Variants in BACH2 observed in about 807,000 individuals in gnomAD.
BACH2 encodes the protein BACH transcriptional regulator 2.
In BACH2, 5 loss-of-function variants were observed where a neutral mutation model predicts 61.8. The ratio of observed to expected loss-of-function variants is 0.08; its 90% CI spans 0.04 to 0.17. The LOEUF (loss-of-function observed/expected upper bound fraction) is 0.17, where lower values mean the gene tolerates loss of function less well. Ranked by LOEUF, BACH2 falls within the 10% of genes least tolerant of loss-of-function variation. The probability of loss-of-function intolerance (pLI) is 1.00; values close to 1 mark genes in which losing one functional copy is unlikely to be tolerated. For missense variants in BACH2, 824 were observed against 1,091.1 expected (o/e 0.76, Z 3.45); for synonymous variants, 446 against 440.1 (o/e 1.01, Z -0.17).
rs1769442878 is a variant in BACH2, at chr6:90,213,987, T to C, written c.-274-7306A>G. Among the ~76,000 whole-genome samples, 3 of 152,322 alleles carry C rather than the reference T, an allele frequency of 2.0e-5. No individual in the cohort carries two copies. The South Asian group carries it at 6.2e-4, about 32-fold the overall frequency. ...TACTGAAGTTTTTTCTTAAGAAGCA[T>C]GGCACACTTTTAGGTCAGCAAGGCA... On this transcript the variant is annotated intron_variant, in intron 3 of 8. Coordinates refer to ENST00000257749, the MANE Select transcript of BACH2 (RefSeq NM_021813.4).
chr6:90,065,128 G>GA (rs540647624), intron 5 of BACH2, among the ~76,000 whole-genome samples: 137 of 135,008 alleles, frequency 1.0e-3, no homozygotes, highest in Admixed American at 3.4e-3. Flanking sequence ...GAAACTTGGA[G>GA]AAAAAAAAAA....
intron 6 of BACH2, among the ~76,000 whole-genome samples, chr6:89,999,448 C>CT (rs59177752): frequency 0.14 from 19,271 of 141,602 alleles, 1,727 homozygotes; most frequent in African/African-American, 0.25. Context: ...TTTGTCACAC[C>CT]TTTTTTTTTT....
intron 2 of BACH2, among the ~76,000 whole-genome samples, chr6:90,264,103 G>C (rs1454127458): frequency 1.3e-5 from 2 of 152,148 alleles, no homozygotes; most frequent in Non-Finnish European, 2.9e-5. Context: ...AACCAAACAG[G>C]AGTTCTAATT....
intron 1 of BACH2, among the ~76,000 whole-genome samples, chr6:90,292,498 C>T (rs956799685): frequency 6.6e-6 from 1 of 152,214 alleles, no homozygotes; most frequent in Non-Finnish European, 1.5e-5. Context: ...AGGAATCACA[C>T]TGTACTCATG....
rs113710150 is a variant in BACH2 at position 90,181,752 on chromosome 6, T to C, written c.-162+24817A>G. 1.5e-3 allele frequency among the ~76,000 whole-genome samples: 235 copies of C among 152,170 alleles called. 2 individuals are homozygous for C. Among genetic ancestry groups the C allele is most frequent in the African/African-American group, 5.3e-3 (222 of 41,512 alleles). On this transcript the variant is annotated intron_variant, in intron 4 of 8. Coordinates refer to ENST00000257749, the MANE Select transcript of BACH2 (RefSeq NM_021813.4). ...GGCACCACCATGCCTGGCTACTGAT[T>C]GATGGATTCATTGATTGTAGACACA...
chr6:90,274,346 C>G (rs188415342), intron 1 of BACH2, among the ~76,000 whole-genome samples: 2 of 151,810 alleles, frequency 1.3e-5, no homozygotes, highest in Admixed American at 1.3e-4. Context: ...AAAAACAAAA[C>G]AAAACAAAAA....
intron 8 of BACH2, among the ~76,000 whole-genome samples, chr6:89,936,727 CAAT>C (rs1406722558): frequency 3.3e-5 from 5 of 152,212 alleles, no homozygotes; most frequent in Non-Finnish European, 5.9e-5. Context: ...ACAACAACAA[CAAT>C]AACAAAAAAC....
chr6:90,204,754 T>C (rs1165390172), intron 4 of BACH2, among the ~76,000 whole-genome samples: 2 of 152,132 alleles, frequency 1.3e-5, no homozygotes, highest in Non-Finnish European at 2.9e-5. Context: ...CCAAAAAAGG[T>C]TTGCAGCCAT....
intron 5 of BACH2, among the ~76,000 whole-genome samples, chr6:90,012,894 T>C (rs1310046769): frequency 1.3e-5 from 2 of 152,136 alleles, no homozygotes; most frequent in African/African-American, 4.8e-5. Context: ...CTCGAACTCT[T>C]GGTCTCTCCT....
intron 4 of BACH2, among the ~76,000 whole-genome samples, chr6:90,120,107 C>G: frequency 6.6e-6 from 1 of 152,074 alleles, no homozygotes; most frequent in East Asian, 1.9e-4. Flanking sequence ...CTGGGGACAT[C>G]AATGAACAAG....
intron 6 of BACH2, among the ~76,000 whole-genome samples, chr6:89,963,275 CTGTTT>C (rs1307686918): frequency 1.3e-5 from 2 of 152,042 alleles, no homozygotes; most frequent in Non-Finnish European, 2.9e-5. Flanking sequence ...TCCTTGTGCA[CTGTTT>C]TATTTTTTAT....
Position 89,931,294 on chromosome 6 carries a change from GCGTTTAAA to G in BACH2, c.*1106_*1113del. ...AGCATCAACTCTGAACTCTCTATCT[GCGTTTAAA>G]CTTTGCTTAGGGAAAGGTGGGGAGG... On this transcript the variant is annotated 3_prime_UTR_variant, in exon 9 of 9. Transcript: ENST00000257749. 6.6e-6 allele frequency: 1 copy of G among 152,410 alleles called. No homozygotes were observed. The highest frequency in any genetic ancestry group is 1.9e-4 in the East Asian group (1 of 5,338). 9.4% of individuals were successfully genotyped at this position (152,410 alleles called of 1,614,324 possible). A position where few individuals can be genotyped will look rare whatever the true frequency, so the allele number is the denominator to read the frequency against.
At position 89,933,026 on chromosome 6, in the gene BACH2, G is replaced by A. The variant is rs1772769873; in HGVS notation, c.2044-136C>T. On this transcript the variant is annotated intron_variant, in intron 8 of 8. Transcript: ENST00000257749. Reference sequence around the variant, plus strand: ...TCAAGAATGACTAGGTCAGGCTCTAGAAACTTAAAGATACATATTCAGGGG... The same window carrying A: ...TCAAGAATGACTAGGTCAGGCTCTAAAAACTTAAAGATACATATTCAGGGG... 7.1e-6 allele frequency: 7 copies of A among 991,064 alleles called. No homozygotes were observed. The Admixed American group carries it at 1.2e-4, about 17-fold the overall frequency. 61.4% of individuals were successfully genotyped at this position (991,064 alleles called of 1,614,324 possible).
chr6:90,228,375 C>T (rs1184686436), intron 3 of BACH2, among the ~76,000 whole-genome samples: 1 of 152,234 alleles, frequency 6.6e-6, no homozygotes, highest in Non-Finnish European at 1.5e-5. Flanking sequence ...TGGATTATTA[C>T]TATAATGCAT....
rs1316015791 is a variant in BACH2 at position 90,250,642 on chromosome 6, C to G, written c.-275+1871G>C. ...CTTGCATTCCTGTGTTACGTCCACACAGCTGTGTAACTGACTCTGAAGAAA... is the reference window on the plus strand; with the variant it reads ...CTTGCATTCCTGTGTTACGTCCACAGAGCTGTGTAACTGACTCTGAAGAAA... On this transcript the variant is annotated intron_variant, in intron 3 of 8. Transcript: ENST00000257749. 1.3e-5 allele frequency among the ~76,000 whole-genome samples: 2 copies of G among 152,166 alleles called. 1 individual carries two copies. Among genetic ancestry groups the G allele is most frequent in the Non-Finnish European group, 2.9e-5 (2 of 68,034 alleles).
chr6:90,078,035 C>T (rs908992117), intron 5 of BACH2, among the ~76,000 whole-genome samples: 4 of 152,098 alleles, frequency 2.6e-5, no homozygotes, highest in Non-Finnish European at 5.9e-5. Flanking sequence ...AAATAACTTG[C>T]AAAGCATAAA....
At chr6:90,285,814 A>G (rs1031334192) in intron 1 of BACH2, among the ~76,000 whole-genome samples, 8 of 152,232 alleles carry the variant, frequency 5.3e-5, no homozygotes, top group African/African-American at 1.2e-4. Flanking sequence ...CAACAGCTGC[A>G]TGAGTCAGCA....
At position 90,115,098 on chromosome 6, in the gene BACH2, G is replaced by A. The variant is rs534329587; in HGVS notation, c.-161-25989C>T. 5.5e-4 allele frequency among the ~76,000 whole-genome samples: 83 copies of A among 152,166 alleles called. 1 individual carries two copies. In the South Asian group the frequency reaches 0.016, roughly 29 times the overall value. On this transcript the variant is annotated intron_variant, in intron 4 of 8. Transcript: ENST00000257749. The stretch of plus-strand genomic sequence containing the variant: ...TATCATTAAAATGGCTATACTGCCC[G>A]AAGCAATTTACAGATTCAGTGCTAT...
chr6:90,014,458 ATATATATATATTTTTTTTTT>A, intron 5 of BACH2, among the ~76,000 whole-genome samples: 1 of 67,596 alleles, frequency 1.5e-5, no homozygotes, highest in African/African-American at 9.1e-5. Context: ...ATATATATAT[ATATATATATATTTTTTTTTT>A]TTTTTTTTTT....
Sources: gnomAD v4.1 joint callset for allele counts (sites outside exome capture counted in the v4.1 genomes callset) on GRCh38, gnomAD v4.1.1 for gene constraint, MANE v1.5 for transcripts, NCBI Gene and HGNC (gene_info 2026-07-23, HGNC 2026-07-21) for gene names.